Variants in RAI14 observed in about 807,000 individuals in gnomAD.
The protein encoded by RAI14 is retinoic acid induced 14, also known as ankycorbin.
In RAI14, 45 loss-of-function variants were observed where a neutral mutation model predicts 115.4. The observed-to-expected ratio is 0.39, with a 90% CI of 0.31 to 0.50. The LOEUF is 0.50. RAI14 is among the 20% of genes least tolerant of loss of function. RAI14 has a pLI of 0.85. For missense variants in RAI14, 939 were observed against 1,131.2 expected, an observed-to-expected ratio of 0.83 and a Z score of 2.44; for synonymous variants, 371 against 415.4, an observed-to-expected ratio of 0.89 and a Z score of 1.30.
intron 2 of RAI14, among the ~76,000 whole-genome samples, chr5:34,753,899 C>T (rs1747506880): frequency 2.4e-5 from 3 of 125,558 alleles, no homozygotes; most frequent in Non-Finnish European, 4.7e-5. Context: ...GGTGACAGAG[C>T]GAGACTCTAT....
rs1413531796 is a variant in RAI14, at chr5:34,766,683, A to G, written c.167+9085A>G. On this transcript the variant is annotated intron_variant, in intron 3 of 17. Coordinates refer to ENST00000265109, the MANE Select transcript of RAI14 (RefSeq NM_015577.3). ...TGTGGACTTTTGGGTTAATGCTGAA[A>G]TGAGTTAAGACTTTGGGGGAACTGT... is the stretch of plus-strand genomic sequence containing the variant. 2.0e-5 allele frequency among the ~76,000 whole-genome samples: 3 copies of G among 152,178 alleles called. No individual in the cohort carries two copies. The East Asian group carries it at 5.8e-4, about 29-fold the overall frequency.
intron 2 of RAI14, among the ~76,000 whole-genome samples, chr5:34,702,908 A>G (rs563216590): frequency 1.3e-5 from 2 of 152,240 alleles, no homozygotes; most frequent in East Asian, 1.9e-4. Context: ...GTTTCTCCAT[A>G]TTGGTCAGGC....
chr5:34,769,069 C>T (rs951786309), intron 3 of RAI14, among the ~76,000 whole-genome samples: 4 of 151,714 alleles, frequency 2.6e-5, no homozygotes, highest in African/African-American at 9.7e-5. Context: ...CCCTCCTGTT[C>T]CTCAGAAGTA....
intron 1 of RAI14, among the ~76,000 whole-genome samples, chr5:34,668,280 GAT>G (rs549573949): frequency 2.0e-5 from 3 of 151,980 alleles, no homozygotes; most frequent in Non-Finnish European, 4.4e-5. Context: ...TGTGATCCCA[GAT>G]TCTCGAGAGG....
At chr5:34,789,781 T>A (rs1203386857) in intron 3 of RAI14, among the ~76,000 whole-genome samples, 1 of 152,222 alleles carries the variant, frequency 6.6e-6, no homozygotes, top group Non-Finnish European at 1.5e-5. Flanking sequence ...TCACCCTTTA[T>A]GAAGTGCTTT....
intron 13 of RAI14, 109 bp downstream of exon 13, chr5:34,818,960 C>A: frequency 1.0e-6 from 1 of 970,378 alleles, no homozygotes; most frequent in Non-Finnish European, 1.6e-6. Flanking sequence ...TGTCACAAGC[C>A]AGCATGTCCA....
Position 34,791,184 on chromosome 5 carries a change from G to A in RAI14, c.168-4755G>A, listed in dbSNP as rs377619654. Among the ~76,000 whole-genome samples the A allele has an allele frequency of 6.6e-6, 1 of 151,918 alleles. No individual in the cohort carries two copies. Among genetic ancestry groups the A allele is most frequent in the Non-Finnish European group, 1.5e-5 (1 of 67,990 alleles). On this transcript the variant is annotated intron_variant, in intron 3 of 17. Transcript: ENST00000265109. The surrounding 1 kb of genome is among the most constrained non-coding windows in gnomAD (Gnocchi z 5.4). ...TGTTGGTGCCCATATGTATTGTTTGGGGTTTGGTTATTCTCTCAAAACCAA... is the reference window on the plus strand; with the variant it reads ...TGTTGGTGCCCATATGTATTGTTTGAGGTTTGGTTATTCTCTCAAAACCAA...
chr5:34,766,344 C>T (rs1426547392), intron 3 of RAI14, among the ~76,000 whole-genome samples: 1 of 152,190 alleles, frequency 6.6e-6, no homozygotes, highest in African/African-American at 2.4e-5. Flanking sequence ...GGGAGGGAGC[C>T]TGTACACTGC....
At chr5:34,698,235 G>T in intron 2 of RAI14, among the ~76,000 whole-genome samples, 2 of 139,746 alleles carry the variant, frequency 1.4e-5, no homozygotes, top group African/African-American at 2.7e-5. Flanking sequence ...CCTCCCTTTA[G>T]TTTTCTCACC....
intron 3 of RAI14, among the ~76,000 whole-genome samples, chr5:34,760,769 T>A (rs1476622709): frequency 6.6e-6 from 1 of 152,222 alleles, no homozygotes; most frequent in Non-Finnish European, 1.5e-5. Context: ...ATTTTAACCA[T>A]TTTAAAGTAT....
chr5:34,746,137 G>C (rs9292561), intron 2 of RAI14, among the ~76,000 whole-genome samples: 18,606 of 120,318 alleles, frequency 0.15, 1,494 homozygotes, highest in African/African-American at 0.21. Context: ...ATGGAATCTC[G>C]CTCTGTCGCC....
At chr5:34,775,162 A>G (rs112464374) in intron 3 of RAI14, among the ~76,000 whole-genome samples, 70 of 152,366 alleles carry the variant, frequency 4.6e-4, no homozygotes, top group African/African-American at 1.5e-3. Context: ...TGAAACTACT[A>G]TAAGAAAACA....
chr5:34,769,040 T>A (rs1749802786), intron 3 of RAI14, among the ~76,000 whole-genome samples: 1 of 151,924 alleles, frequency 6.6e-6, no homozygotes, highest in Non-Finnish European at 1.5e-5. Context: ...GTATGTGATC[T>A]TCCATCTCAG....
intron 4 of RAI14, among the ~76,000 whole-genome samples, chr5:34,798,319 G>A (rs1193929294): frequency 2.0e-5 from 3 of 149,428 alleles, no homozygotes; most frequent in African/African-American, 4.9e-5. Context: ...AATTACAGGC[G>A]TGAGCCACCA....
At chr5:34,671,704 T>C (rs976276036) in intron 1 of RAI14, among the ~76,000 whole-genome samples, 19 of 152,298 alleles carry the variant, frequency 1.2e-4, no homozygotes, top group African/African-American at 4.6e-4. Flanking sequence ...TTATTTCCAA[T>C]ATGTAATCCA....
chr5:34,788,057 C>T (rs1007975576), intron 3 of RAI14, among the ~76,000 whole-genome samples: 1 of 151,630 alleles, frequency 6.6e-6, no homozygotes, highest in Non-Finnish European at 1.5e-5. Flanking sequence ...GTTGGGACTA[C>T]AAGCATGTGC....
chr5:34,727,499 C>A (rs565910938), intron 2 of RAI14, among the ~76,000 whole-genome samples: 8 of 152,290 alleles, frequency 5.3e-5, no homozygotes, highest in Non-Finnish European at 1.0e-4. Flanking sequence ...TGCCAGAGAC[C>A]TTTGTGGCGC....
At chr5:34,828,570 CT>C (rs1293829647) in intron 16 of RAI14, among the ~76,000 whole-genome samples, 2 of 152,048 alleles carry the variant, frequency 1.3e-5, no homozygotes, top group Non-Finnish European at 2.9e-5. Context: ...GGAAAGATAC[CT>C]CATACTCTGA....
chr5:34,667,436 A>G (rs1397332508), intron 1 of RAI14: 4 of 152,036 alleles, frequency 2.6e-5, no homozygotes, highest in Non-Finnish European at 1.5e-5. Context: ...GGGTTTCATC[A>G]TGTTACCCGG....
Sources: allele counts gnomAD v4.1 joint callset (sites outside exome capture counted in the v4.1 genomes callset), GRCh38; gene constraint gnomAD v4.1.1; non-coding constraint Gnocchi (gnomAD v3.1); transcripts MANE v1.5; gene names NCBI Gene and HGNC (gene_info 2026-07-23, HGNC 2026-07-21).